STK17A: variants seen among roughly 807,000 people sequenced by gnomAD.
STK17A encodes serine/threonine kinase 17a.
Under a neutral mutation model 43.7 loss-of-function variants are expected in STK17A, and 26 were observed. The ratio of observed to expected loss-of-function variants is 0.60; its 90% CI spans 0.44 to 0.83. STK17A has a LOEUF of 0.83. STK17A is among the 40% of genes least tolerant of loss of function. STK17A has a pLI of 0.00. For synonymous variants in STK17A, 191 were observed against 182.5 expected, an observed-to-expected ratio of 1.05 and a Z score of -0.38; for missense variants, 476 against 511.6, an observed-to-expected ratio of 0.93 and a Z score of 0.67.
chr7:43,587,539 G>T (rs755385601), intron 1 of STK17A, among the ~76,000 whole-genome samples: 3 of 151,390 alleles, frequency 2.0e-5, no homozygotes, highest in Non-Finnish European at 3.0e-5. Flanking sequence ...ACTGAAAGGG[G>T]ACTCTGGGTG....
intron 1 of STK17A, among the ~76,000 whole-genome samples, chr7:43,587,147 G>GTTGT (rs2082447837): frequency 8.8e-6 from 1 of 113,448 alleles, no homozygotes; most frequent in Non-Finnish European, 2.0e-5. Flanking sequence ...TGTTTTTATT[G>GTTGT]TTTTTTGTTT....
In STK17A at chr7:43,625,657, G is replaced by C. The variant is rs1286605088; in HGVS notation, c.*815G>C. The C allele has an allele frequency of 6.6e-6, 1 of 152,270 alleles. No individual in the cohort carries two copies. The highest frequency in any genetic ancestry group is 1.5e-5 in the Non-Finnish European group (1 of 68,292). The allele number at this position is 152,270 out of a possible 1,614,324, so 9.4% of individuals were successfully genotyped here. Reference sequence around the variant, plus strand: ...GTCATTTAATTTTGGCCACTTGTAGGTATCAGTGTGATCTGATCAACACTC... The same window carrying C: ...GTCATTTAATTTTGGCCACTTGTAGCTATCAGTGTGATCTGATCAACACTC... On this transcript the variant is annotated 3_prime_UTR_variant, in exon 7 of 7. Coordinates refer to ENST00000319357, the MANE Select transcript of STK17A (RefSeq NM_004760.3).
At chr7:43,604,032 T>C (rs1422825715) in intron 2 of STK17A, among the ~76,000 whole-genome samples, 1 of 152,168 alleles carries the variant, frequency 6.6e-6, no homozygotes, top group East Asian at 1.9e-4. Flanking sequence ...TGCAGCAATG[T>C]TGATGATTTA....
In STK17A at chr7:43,624,665, C is replaced by T. The variant is rs763752720; in HGVS notation, c.1068C>T (p.Thr356=). 28 of 1,613,952 alleles carry T rather than the reference C, an allele frequency of 1.7e-5. No homozygotes were observed. The highest frequency in any genetic ancestry group is 6.7e-5 in the Admixed American group (4 of 60,000). The part of the protein sequence containing the change: ...GHSVPEINSD[T]DKSETKESIV... ...CTGTGCCTGAAATTAATTCGGATAC[C>T]GACAAATCAGAAACCAAGGAATCCA... Residue 356 remains threonine (T), a synonymous_variant, in exon 7 of 7, where the codon ACC becomes ACT. Coordinates refer to ENST00000319357, the MANE Select transcript of STK17A (RefSeq NM_004760.3).
At chr7:43,583,477 A>G (rs2082415687) in intron 1 of STK17A, 28 bp downstream of exon 1, 4 of 1,259,062 alleles carry the variant, frequency 3.2e-6, no homozygotes, top group Non-Finnish European at 4.0e-6. Context: ...CCGGCGCGGA[A>G]CCTTCCCGGA....
Position 43,625,871 on chromosome 7 carries a change from A to C in STK17A, c.*1029A>C, listed in dbSNP as rs1430818575. 3.3e-5 allele frequency: 5 copies of C among 152,162 alleles called. No homozygotes were observed. The highest frequency in any genetic ancestry group is 7.3e-5 in the Non-Finnish European group (5 of 68,028). The allele number at this position is 152,162 out of a possible 1,614,324, so 9.4% of individuals were successfully genotyped here. ...GTTATAAAATGCCAAAATATTTATA[A>C]ACATTTACTTTGTCCATAAAAAATT... On this transcript the variant is annotated 3_prime_UTR_variant, in exon 7 of 7. Coordinates refer to ENST00000319357, the MANE Select transcript of STK17A (RefSeq NM_004760.3).
At chr7:43,594,265 A>AC (rs1377574850) in intron 1 of STK17A, among the ~76,000 whole-genome samples, 1 of 12,072 alleles carries the variant, frequency 8.3e-5, no homozygotes, top group Admixed American at 6.8e-4. Context: ...CTCTTAAAGG[A>AC]AAAAAAAAAA....
At chr7:43,623,506 T>C in intron 4 of STK17A, 66 bp from the exon 5 acceptor site, 1 of 1,390,516 alleles carries the variant, frequency 7.2e-7, no homozygotes, top group Non-Finnish European at 1.0e-6. Context: ...TAGTTTTTTA[T>C]CTCTTAGAGC....
chr7:43,626,883 G>A lies in STK17A; in HGVS notation c.*2041G>A, dbSNP rs369871051. On this transcript the variant is annotated 3_prime_UTR_variant, in exon 7 of 7. Transcript: ENST00000319357. The stretch of plus-strand genomic sequence containing the variant: ...TGTTGTGCTTAAATACTGAGTCATA[G>A]GGTGCTTTTTTAAGAGGCCCTTCAG... 33 of 152,154 alleles carry A rather than the reference G, an allele frequency of 2.2e-4. No homozygotes were observed. Among genetic ancestry groups the A allele is most frequent in the African/African-American group, 8.0e-4 (33 of 41,420 alleles). The allele number at this position is 152,154 out of a possible 1,614,324, so 9.4% of individuals were successfully genotyped here.
chr7:43,607,517 C>T (rs951656811), intron 2 of STK17A, among the ~76,000 whole-genome samples: 5 of 151,794 alleles, frequency 3.3e-5, no homozygotes, highest in African/African-American at 7.3e-5. Context: ...GGCGTGGTGG[C>T]CCACGCCTGT....
In STK17A at chr7:43,623,790, C is replaced by A. The variant is rs1290458134; in HGVS notation, c.822C>A (p.Asn274Lys). ...LGNDKQETFL[N>K]ISQMNLSYSE... is the part of the protein sequence containing the mutation. ...ATGATAAACAAGAAACATTCTTAAACATCTCACAGATGAATTTAAGTTATT... is the reference window on the plus strand; with the variant it reads ...ATGATAAACAAGAAACATTCTTAAAAATCTCACAGATGAATTTAAGTTATT... Residue 274 changes from asparagine to lysine, a missense_variant, in exon 6 of 7, where the codon AAC becomes AAA. Asn to Lys is a moderately conservative substitution (Grantham distance 94). Around this residue, in one of 3 missense-constraint regions of STK17A, gnomAD observed 46 missense variants for 81.6 expected, o/e 0.56. Transcript: ENST00000319357. 6.2e-7 allele frequency: 1 copy of A among 1,608,602 alleles called. No homozygotes were observed. The highest frequency in any genetic ancestry group is 1.3e-5 in the African/African-American group (1 of 74,846).
chr7:43,623,917 T>C lies in STK17A; in HGVS notation c.920+29T>C, dbSNP rs1033523207. ...AGTATTATTTTTATTAGTTTAATATTGAACTAATTCAATATTAAAAAATTC... is the reference window on the plus strand; with the variant it reads ...AGTATTATTTTTATTAGTTTAATATCGAACTAATTCAATATTAAAAAATTC... On this transcript the variant is annotated intron_variant, in intron 6 of 6. Transcript: ENST00000319357. 1.0e-5 allele frequency: 14 copies of C among 1,379,094 alleles called. No homozygotes were observed. In the African/African-American group the frequency reaches 2.1e-4, roughly 21 times the overall value. 85.4% of individuals were successfully genotyped at this position (1,379,094 alleles called of 1,614,324 possible). A position where few individuals can be genotyped will look rare whatever the true frequency, so the allele number is the denominator to read the frequency against.
At chr7:43,607,868 G>A (rs536631625) in intron 2 of STK17A, among the ~76,000 whole-genome samples, 25 of 152,280 alleles carry the variant, frequency 1.6e-4, no homozygotes, top group Non-Finnish European at 3.2e-4. Context: ...AGCAAATTGT[G>A]GCCTGTATGT....
chr7:43,598,832 C>T (rs917355983), intron 2 of STK17A, among the ~76,000 whole-genome samples: 14 of 151,346 alleles, frequency 9.3e-5, no homozygotes, highest in African/African-American at 2.9e-4. Context: ...GGCATGATCT[C>T]GGCTCACCGC....
chr7:43,603,803 AC>A (rs2082571197), intron 2 of STK17A, among the ~76,000 whole-genome samples: 1 of 152,168 alleles, frequency 6.6e-6, no homozygotes, highest in Admixed American at 6.5e-5. Flanking sequence ...GTGTACACAA[AC>A]TTTGTTTCAT....
chr7:43,599,808 ATTAACT>A (rs2082543849), intron 2 of STK17A, among the ~76,000 whole-genome samples: 1 of 152,180 alleles, frequency 6.6e-6, no homozygotes, highest in Non-Finnish European at 1.5e-5. Context: ...GAAACCAATC[ATTAACT>A]TTAAATCCAG....
intron 3 of STK17A, among the ~76,000 whole-genome samples, chr7:43,616,775 TAG>T (rs2083389711): frequency 6.6e-6 from 1 of 151,666 alleles, no homozygotes; most frequent in Non-Finnish European, 1.5e-5. Context: ...CGGGCTCCTG[TAG>T]TCCCAGCTAC....
chr7:43,619,827 T>C, intron 4 of STK17A, 104 bp downstream of exon 4: 2 of 1,384,214 alleles, frequency 1.4e-6, no homozygotes, highest in South Asian at 1.4e-5. Context: ...ATCTACTATG[T>C]TGAAATTCTA....
At chr7:43,591,668 C>A (rs566587073) in intron 1 of STK17A, among the ~76,000 whole-genome samples, 1 of 151,600 alleles carries the variant, frequency 6.6e-6, no homozygotes, top group East Asian at 1.9e-4. Context: ...GGAGCATGAG[C>A]AACAGATGAA....
Sources: allele counts gnomAD v4.1 joint callset (sites outside exome capture counted in the v4.1 genomes callset), GRCh38; gene constraint gnomAD v4.1.1; regional missense constraint gnomAD v4.1.1; transcripts MANE v1.5; gene names NCBI Gene and HGNC (gene_info 2026-07-23, HGNC 2026-07-21).